ANKRD36: variants seen among roughly 807,000 people sequenced by gnomAD.
ANKRD36 encodes the protein ankyrin repeat domain-containing protein 36A.
Under a neutral mutation model 278.1 loss-of-function variants are expected in ANKRD36, and 179 were observed. The ratio of observed to expected loss-of-function variants is 0.64; its 90% CI spans 0.57 to 0.73. The LOEUF is 0.73. ANKRD36 is among the 30% of genes least tolerant of loss of function. The probability of loss-of-function intolerance (pLI) is 0.00; values close to 1 mark genes in which losing one functional copy is unlikely to be tolerated. For missense variants in ANKRD36, 1,159 were observed against 1,956.7 expected, an observed-to-expected ratio of 0.59 and a Z score of 7.69; for synonymous variants, 320 against 641.1, an observed-to-expected ratio of 0.50 and a Z score of 7.57.
At chr2:97,230,511 G>A (rs2071578678) in intron 67 of ANKRD36, among the ~76,000 whole-genome samples, 1 of 152,040 alleles carries the variant, frequency 6.6e-6, no homozygotes, top group Non-Finnish European at 1.5e-5. Context: ...GCACTTCTCT[G>A]TATTGGTTAT....
At chr2:97,197,488 A>T (rs1441970494) in intron 42 of ANKRD36, among the ~76,000 whole-genome samples, 1 of 151,922 alleles carries the variant, frequency 6.6e-6, no homozygotes, top group Non-Finnish European at 1.5e-5. Flanking sequence ...TGTTGATTTT[A>T]GTTATAGAAA....
Position 97,113,565 on chromosome 2 carries a change from G to C in ANKRD36, c.-175G>C, listed in dbSNP as rs1050976987. 2.8e-6 allele frequency: 2 copies of C among 724,152 alleles called. No homozygotes were observed. Among genetic ancestry groups the C allele is most frequent in the Non-Finnish European group, 4.4e-6 (2 of 451,788 alleles). 44.9% of individuals were successfully genotyped at this position (724,152 alleles called of 1,614,324 possible). ...TTGGGCAGGGCCGGCTAAGGTGCGC[G>C]TGCTCGCTGGTTCTAACCCTTCTGT... On this transcript the variant is annotated 5_prime_UTR_variant, in exon 1 of 76. Coordinates refer to ENST00000420699, the MANE Select transcript of ANKRD36 (RefSeq NM_001354587.1).
At chr2:97,199,552 A>AGT (rs1277086361) in intron 44 of ANKRD36, among the ~76,000 whole-genome samples, 1 of 151,944 alleles carries the variant, frequency 6.6e-6, no homozygotes, top group Non-Finnish European at 1.5e-5. Context: ...TGAATATTGC[A>AGT]GTGATTTCTG....
At chr2:97,203,903 C>G (rs1020992438) in intron 48 of ANKRD36, among the ~76,000 whole-genome samples, 165 bp from the exon 49 acceptor site, 1 of 151,856 alleles carries the variant, frequency 6.6e-6, no homozygotes, top group African/African-American at 2.4e-5. Flanking sequence ...TTGCTTTTCT[C>G]AGCGTATTTC....
rs1478749169 is a variant in ANKRD36 at position 97,230,969 on chromosome 2, C to T, written c.3952-2761C>T. 2.6e-5 allele frequency among the ~76,000 whole-genome samples: 4 copies of T among 152,200 alleles called. 1 individual carries two copies. The highest frequency in any genetic ancestry group is 2.0e-4 in the East Asian group (1 of 5,104). On this transcript the variant is annotated intron_variant, in intron 67 of 75. Coordinates refer to ENST00000420699, the MANE Select transcript of ANKRD36 (RefSeq NM_001354587.1). Reference sequence around the variant, plus strand: ...CAGAACAGCAGATTTTCATGAACCGCGAATGCTGCTGTGTGATCGTTCCTC... The same window carrying T: ...CAGAACAGCAGATTTTCATGAACCGTGAATGCTGCTGTGTGATCGTTCCTC...
At chr2:97,170,306 A>G (rs574573874) in intron 22 of ANKRD36, among the ~76,000 whole-genome samples, 2 of 151,878 alleles carry the variant, frequency 1.3e-5, no homozygotes, top group East Asian at 1.9e-4. Context: ...TTCAAACTAT[A>G]CTACAAGGCT....
At chr2:97,207,335 G>T (rs2063147305) in intron 52 of ANKRD36, among the ~76,000 whole-genome samples, 2 of 151,608 alleles carry the variant, frequency 1.3e-5, no homozygotes, top group South Asian at 4.2e-4. Context: ...ACGTTCAACT[G>T]AATTGTCATG....
At chr2:97,200,169 C>G (rs534922437) in intron 44 of ANKRD36, among the ~76,000 whole-genome samples, 165 bp from the exon 45 acceptor site, 278 of 151,946 alleles carry the variant, frequency 1.8e-3, no homozygotes, top group Non-Finnish European at 2.7e-3. Context: ...TCCCTTTTTT[C>G]AGTGTATTTC....
intron 36 of ANKRD36, among the ~76,000 whole-genome samples, 162 bp from the exon 37 acceptor site, chr2:97,192,696 T>C (rs1223298862): frequency 2.0e-5 from 3 of 151,758 alleles, no homozygotes; most frequent in African/African-American, 7.2e-5. Flanking sequence ...CTTTTTTCAG[T>C]GTATTTCTGT....
intron 58 of ANKRD36, among the ~76,000 whole-genome samples, chr2:97,212,562 C>T (rs1452350151): frequency 1.3e-5 from 2 of 151,890 alleles, no homozygotes; most frequent in African/African-American, 4.8e-5. Context: ...GCATGATACT[C>T]CAAAGAAGAC....
chr2:97,184,297 C>T (rs1206412355), intron 28 of ANKRD36, among the ~76,000 whole-genome samples: 1 of 151,704 alleles, frequency 6.6e-6, no homozygotes, highest in Non-Finnish European at 1.5e-5. Flanking sequence ...TTGGGATAAA[C>T]CACAGTGCCT....
rs148505586 is a variant in ANKRD36, at chr2:97,192,280, G to A, written c.2348-578G>A. On this transcript the variant is annotated intron_variant, in intron 36 of 75. Transcript: ENST00000420699. ...GCAAATTATTACACCACATGGGTGT[G>A]AGAGATAATGAATATTATCTACTAG... is the stretch of plus-strand genomic sequence containing the variant. Among the ~76,000 whole-genome samples, 609 of 151,804 alleles carry A rather than the reference G, an allele frequency of 4.0e-3. 6 individuals are homozygous for A. Among genetic ancestry groups the A allele is most frequent in the Non-Finnish European group, 6.4e-3 (437 of 67,870 alleles).
intron 6 of ANKRD36, among the ~76,000 whole-genome samples, chr2:97,139,962 C>T (rs1239756605): frequency 6.6e-6 from 1 of 151,734 alleles, no homozygotes; most frequent in Admixed American, 6.6e-5. Flanking sequence ...CAAATAGGCC[C>T]TTGAAGAAAA....
intron 32 of ANKRD36, among the ~76,000 whole-genome samples, chr2:97,188,287 A>C (rs1486413349): frequency 6.6e-6 from 1 of 151,696 alleles, no homozygotes; most frequent in African/African-American, 2.4e-5. Context: ...CTAAAATGGT[A>C]ATTTTCAATG....
At position 97,243,867 on chromosome 2, in the gene ANKRD36, A is replaced by G; in HGVS notation, c.4329A>G (p.Lys1443=). 1 of 1,599,964 alleles carries G rather than the reference A, an allele frequency of 6.3e-7. No individual in the cohort carries two copies. Among genetic ancestry groups the G allele is most frequent in the Non-Finnish European group, 8.5e-7 (1 of 1,177,700 alleles). Residue 1443 remains lysine, a synonymous_variant, in exon 70 of 76, where the codon AAA becomes AAG. Coordinates refer to ENST00000420699, the MANE Select transcript of ANKRD36 (RefSeq NM_001354587.1). ...ACAGATTTGCCATACAGCAAGAAAA[A>G]AAGAAAAGAAGAAATGTTGAAGAGG... The part of the protein sequence containing the change: ...CSLRFAIQQE[K]KKRRNVEEVH...
chr2:97,197,997 C>G lies in ANKRD36; in HGVS notation c.2654-466C>G, dbSNP rs373181951. Among the ~76,000 whole-genome samples, 9 of 151,854 alleles carry G rather than the reference C, an allele frequency of 5.9e-5. No individual in the cohort carries two copies. In the East Asian group the frequency reaches 9.7e-4, roughly 16 times the overall value. ...AAGTGTACTTCAACTGAATTGTCATCGTAATTGTGTGCCTTCTCAGTTATT... is the reference window on the plus strand; with the variant it reads ...AAGTGTACTTCAACTGAATTGTCATGGTAATTGTGTGCCTTCTCAGTTATT... On this transcript the variant is annotated intron_variant, in intron 42 of 75. Transcript: ENST00000420699.
At chr2:97,217,833 C>CA (rs1412363181) in intron 64 of ANKRD36, among the ~76,000 whole-genome samples, 19 of 151,436 alleles carry the variant, frequency 1.3e-4, no homozygotes, top group African/African-American at 4.6e-4. Flanking sequence ...TTATTTTCAT[C>CA]AAGAAAGAGG....
intron 58 of ANKRD36, among the ~76,000 whole-genome samples, chr2:97,211,999 CAG>C: frequency 6.6e-6 from 1 of 151,840 alleles, no homozygotes; most frequent in Non-Finnish European, 1.5e-5. Context: ...ATAACAGGCT[CAG>C]GGGACAGCAT....
At chr2:97,209,459 A>G (rs538874748) in intron 54 of ANKRD36, among the ~76,000 whole-genome samples, 1 of 146,508 alleles carries the variant, frequency 6.8e-6, no homozygotes, top group Non-Finnish European at 1.5e-5. Flanking sequence ...CACGTGACAA[A>G]TCATATAATG....
Sources: allele counts gnomAD v4.1 joint callset (sites outside exome capture counted in the v4.1 genomes callset), GRCh38; gene constraint gnomAD v4.1.1; transcripts MANE v1.5; gene names NCBI Gene and HGNC (gene_info 2026-07-23, HGNC 2026-07-21).